ZNF536: variants seen among roughly 807,000 people sequenced by gnomAD.
The protein encoded by ZNF536 is zinc finger protein 536.
Under a neutral mutation model 84.5 loss-of-function variants are expected in ZNF536, and 13 were observed. The ratio of observed to expected loss-of-function variants is 0.15; its 90% confidence interval spans 0.10 to 0.24. The LOEUF (loss-of-function observed/expected upper bound fraction) is 0.24, where lower values mean the gene tolerates loss of function less well. Among genes scored for constraint, ZNF536 ranks in the 10% least tolerant of loss-of-function variants. The pLI is 1.00. For missense variants in ZNF536, 1,536 were observed against 1,747.5 expected, an observed-to-expected ratio of 0.88 and a Z score of 2.16; for synonymous variants, 811 against 742.5, an observed-to-expected ratio of 1.09 and a Z score of -1.50.
intron 1 of ZNF536, among the ~76,000 whole-genome samples, chr19:30,686,275 CTT>C (rs57101320): frequency 2.0e-5 from 3 of 150,480 alleles, no homozygotes; most frequent in Middle Eastern, 3.5e-3. Flanking sequence ...CACACACACA[CTT>C]TTTTTTTTCT....
chr19:30,341,541 T>A (rs1411312693), intron 2 of ZNF536, among the ~76,000 whole-genome samples: 2 of 152,240 alleles, frequency 1.3e-5, no homozygotes, highest in African/African-American at 4.8e-5. Context: ...GGTCCCTTGC[T>A]ATTCTGCATG....
At chr19:30,550,141 A>G (rs1009041836) in intron 4 of ZNF536, among the ~76,000 whole-genome samples, 5 of 152,088 alleles carry the variant, frequency 3.3e-5, no homozygotes, top group Admixed American at 3.3e-4. Context: ...CTGTCTGTTC[A>G]CCTGTCTGTC....
intron 2 of ZNF536, among the ~76,000 whole-genome samples, chr19:30,527,310 G>T (rs1045391452): frequency 7.3e-6 from 1 of 137,752 alleles, no homozygotes; most frequent in African/African-American, 2.7e-5. Flanking sequence ...CTTGCCACCA[G>T]CAAATGGAAC....
chr19:30,660,215 G>A (rs992781371), intron 1 of ZNF536, among the ~76,000 whole-genome samples: 11 of 152,210 alleles, frequency 7.2e-5, no homozygotes, highest in African/African-American at 2.4e-4. Context: ...AAACCCACAT[G>A]ATGGTAATCC....
At chr19:30,518,655 G>T (rs2044191294) in intron 2 of ZNF536, among the ~76,000 whole-genome samples, 1 of 152,230 alleles carries the variant, frequency 6.6e-6, no homozygotes, top group African/African-American at 2.4e-5. Context: ...TGGAGAAAAT[G>T]ATTTTCCATA....
intron 1 of ZNF536, among the ~76,000 whole-genome samples, chr19:30,597,677 G>A (rs1171469820): frequency 6.6e-6 from 1 of 152,176 alleles, no homozygotes; most frequent in Non-Finnish European, 1.5e-5. Flanking sequence ...CAACCTCTAT[G>A]TAAAATACAC....
At chr19:30,438,477 G>A (rs1188238091) in intron 1 of ZNF536, among the ~76,000 whole-genome samples, 1 of 152,168 alleles carries the variant, frequency 6.6e-6, no homozygotes, top group Non-Finnish European at 1.5e-5. Flanking sequence ...AGGGTCAGTG[G>A]GGCGTGTAGG....
intron 2 of ZNF536, among the ~76,000 whole-genome samples, chr19:30,502,070 T>C (rs539991448): frequency 2.6e-5 from 4 of 152,296 alleles, no homozygotes; most frequent in African/African-American, 9.6e-5. Flanking sequence ...TAGACTATGA[T>C]ATTTCAGCCC....
At chr19:30,474,604 G>A (rs1273577122) in intron 2 of ZNF536, among the ~76,000 whole-genome samples, 1 of 152,084 alleles carries the variant, frequency 6.6e-6, no homozygotes, top group Non-Finnish European at 1.5e-5. Context: ...GATATTACAC[G>A]AAGCCCCTGA....
chr19:30,383,754 TTTCTCTTTCTTTC>T (rs2049150400), intron 1 of ZNF536, among the ~76,000 whole-genome samples: 2 of 10,624 alleles, frequency 1.9e-4, no homozygotes, highest in African/African-American at 4.3e-4. Flanking sequence ...TCTTTCTTTC[TTTCTCTTTCTTTC>T]TTTCTTTTCT....
chr19:30,650,696 C>T (rs1012177203), intron 1 of ZNF536, among the ~76,000 whole-genome samples: 2 of 152,168 alleles, frequency 1.3e-5, no homozygotes, highest in Admixed American at 6.5e-5. Flanking sequence ...TTAAAAAATA[C>T]TGAACTGGGT....
downstream of ZNF536, among the ~76,000 whole-genome samples, chr19:30,561,513 G>A (rs1226279359): frequency 1.3e-5 from 2 of 152,210 alleles, no homozygotes; most frequent in Non-Finnish European, 2.9e-5. Flanking sequence ...GATGCAGGCA[G>A]TAGATATGGG....
chr19:30,619,661 C>T (rs1172404188), intron 1 of ZNF536, among the ~76,000 whole-genome samples: 2 of 152,216 alleles, frequency 1.3e-5, no homozygotes, highest in Non-Finnish European at 2.9e-5. Flanking sequence ...ACATTCCATT[C>T]TGCTTTTCCC....
intron 1 of ZNF536, among the ~76,000 whole-genome samples, chr19:30,587,823 C>G (rs1486853190): frequency 6.6e-6 from 1 of 152,234 alleles, no homozygotes; most frequent in African/African-American, 2.4e-5. Context: ...CATGCAAACC[C>G]TTTCTGACCT....
rs114838009 is a variant in ZNF536 at position 30,543,460 on chromosome 19, C to A, written c.2324-4483C>A. On this transcript the variant is annotated intron_variant, in intron 3 of 4. Coordinates refer to ENST00000355537, the MANE Select transcript of ZNF536 (RefSeq NM_014717.3). ...CATGGGGCTGCCCAGGCAATGCAGA[C>A]CTGAGTCTCAGGCAGAGTCCAGCCT... is the stretch of plus-strand genomic sequence containing the variant. 2.2e-3 allele frequency among the ~76,000 whole-genome samples: 342 copies of A among 152,306 alleles called. 2 individuals carry two copies. Among genetic ancestry groups the A allele is most frequent in the African/African-American group, 7.9e-3 (328 of 41,572 alleles).
chr19:30,695,965 T>C (rs998105622), intron 1 of ZNF536, among the ~76,000 whole-genome samples: 1 of 152,232 alleles, frequency 6.6e-6, no homozygotes, highest in Non-Finnish European at 1.5e-5. Flanking sequence ...ATGTGTATCA[T>C]AGGTGCTGCG....
At chr19:30,525,061 C>T (rs189010624) in intron 2 of ZNF536, among the ~76,000 whole-genome samples, 24 of 152,152 alleles carry the variant, frequency 1.6e-4, no homozygotes, top group Non-Finnish European at 1.5e-5. Context: ...CGTTTTTAAC[C>T]AGGAAGGAAT....
intron 1 of ZNF536, among the ~76,000 whole-genome samples, chr19:30,246,478 C>T (rs1016489027): frequency 6.6e-6 from 1 of 152,196 alleles, no homozygotes; most frequent in Non-Finnish European, 1.5e-5. Flanking sequence ...TTTCCCTGTG[C>T]ACATATTTCC....
upstream of ZNF536, among the ~76,000 whole-genome samples, chr19:30,371,649 G>T (rs2048616312): frequency 6.7e-6 from 1 of 149,006 alleles, no homozygotes; most frequent in Non-Finnish European, 1.5e-5. Context: ...CCTCCCTGCT[G>T]TATTTTTGCA....
Sources: allele counts gnomAD v4.1 joint callset (sites outside exome capture counted in the v4.1 genomes callset), GRCh38; gene constraint gnomAD v4.1.1; transcripts MANE v1.5; gene names NCBI Gene and HGNC (gene_info 2026-07-23, HGNC 2026-07-21).